Variants in PLAGL1 observed in about 807,000 individuals in gnomAD.
PLAGL1 encodes zinc finger protein PLAGL1.
In PLAGL1, 1 loss-of-function variant was observed where a neutral mutation model predicts 4.6. That is an observed-to-expected ratio of 0.22 (90% CI 0.08 to 1.03). The LOEUF (loss-of-function observed/expected upper bound fraction) is 1.03, where lower values mean the gene tolerates loss of function less well. PLAGL1 is among the 50% of genes least tolerant of loss of function. The probability of loss-of-function intolerance (pLI) is 0.58; values close to 1 mark genes in which losing one functional copy is unlikely to be tolerated. For synonymous variants in PLAGL1, 240 were observed against 237.8 expected, an observed-to-expected ratio of 1.01 and a Z score of -0.08; for missense variants, 464 against 570.4, an observed-to-expected ratio of 0.81 and a Z score of 1.90.
At chr6:144,026,746 A>G (rs369333596) in intron 1 of PLAGL1, among the ~76,000 whole-genome samples, 5 of 152,326 alleles carry the variant, frequency 3.3e-5, no homozygotes, top group South Asian at 4.1e-4. Context: ...GTACTGCTCA[A>G]GATCTGTTAG....
At position 143,957,381 on chromosome 6, in the gene PLAGL1, G is replaced by A. The variant is rs1480809988; in HGVS notation, c.-325+3088C>T. 1.3e-5 allele frequency among the ~76,000 whole-genome samples: 2 copies of A among 152,204 alleles called. No homozygotes were observed. Among genetic ancestry groups the A allele is most frequent in the Non-Finnish European group, 2.9e-5 (2 of 68,040 alleles). On this transcript the variant is annotated intron_variant, in intron 6 of 7. Transcript: ENST00000674357. The surrounding 1 kb of genome is among the most constrained non-coding windows in gnomAD (Gnocchi z 4.2). Reference sequence around the variant, plus strand: ...AGGGGAAGATTTTCTAATTGTTACAGTCAGGAATGGGGATCATTCCTTTAT... The same window carrying A: ...AGGGGAAGATTTTCTAATTGTTACAATCAGGAATGGGGATCATTCCTTTAT...
At position 144,004,249 on chromosome 6, in the gene PLAGL1, G is replaced by T. The variant is rs576566318; in HGVS notation, c.-584+3841C>A. Among the ~76,000 whole-genome samples the T allele has an allele frequency of 6.6e-6, 1 of 151,416 alleles. No individual in the cohort carries two copies. Among genetic ancestry groups the T allele is most frequent in the Non-Finnish European group, 1.5e-5 (1 of 67,936 alleles). On this transcript the variant is annotated intron_variant, in intron 1 of 7. Coordinates refer to ENST00000674357, the MANE Select transcript of PLAGL1 (RefSeq NM_001317162.2). The surrounding 1 kb of genome is among the most constrained non-coding windows in gnomAD (Gnocchi z 4.2). The stretch of plus-strand genomic sequence containing the variant: ...CAGGCTGCAGTGCAGTGGCATGATC[G>T]TAGTTCACTGTAAGCTCGAACTCCT...
At chr6:144,030,039 G>A (rs952712535) in intron 1 of PLAGL1, among the ~76,000 whole-genome samples, 1 of 151,998 alleles carries the variant, frequency 6.6e-6, no homozygotes, top group African/African-American at 2.4e-5. Context: ...GGATCATGAG[G>A]TCAGGAGATC....
chr6:144,054,928 A>G (rs1798859196), intron 1 of PLAGL1, among the ~76,000 whole-genome samples: 1 of 152,092 alleles, frequency 6.6e-6, no homozygotes, highest in Non-Finnish European at 1.5e-5. Context: ...CATATAAATA[A>G]TAGAAATTTA....
At chr6:144,038,685 G>T (rs1020917565) in intron 1 of PLAGL1, among the ~76,000 whole-genome samples, 4 of 151,984 alleles carry the variant, frequency 2.6e-5, no homozygotes, top group African/African-American at 9.7e-5. Flanking sequence ...CTACAACATG[G>T]GTGGCCTTTG....
intron 7 of PLAGL1, among the ~76,000 whole-genome samples, chr6:143,943,826 T>TTTCCATA (rs1367705191): frequency 6.6e-6 from 1 of 152,334 alleles, no homozygotes; most frequent in African/African-American, 2.4e-5. Context: ...GAAGCAGAAA[T>TTTCCATA]TAGTTATGGA....
chr6:143,979,203 T>C lies in PLAGL1; in HGVS notation c.-544+5932A>G, dbSNP rs748025312. On this transcript the variant is annotated intron_variant, in intron 2 of 7. Coordinates refer to ENST00000674357, the MANE Select transcript of PLAGL1 (RefSeq NM_001317162.2). This position sits in a 1 kb window ranked among gnomAD's most constrained non-coding sequence, Gnocchi z 4.6. ...AGTGCATTTTTTTGTAGGCAGCATA[T>C]AGTTAGTTCTCAAAGCGTTTTGTAT... Among the ~76,000 whole-genome samples, 1 of 152,156 alleles carries C rather than the reference T, an allele frequency of 6.6e-6. No homozygotes were observed. Among genetic ancestry groups the C allele is most frequent in the African/African-American group, 2.4e-5 (1 of 41,462 alleles).
chr6:144,044,983 T>C lies in PLAGL1; in HGVS notation c.-151+19485A>G, dbSNP rs567975241. On this transcript the variant is annotated intron_variant, in intron 1 of 3. Coordinates refer to the PLAGL1 transcript ENST00000437412. ...GTTTAAAGTCTGTTTTATCAGAGAC[T>C]AGGATTGCAACCCCTGCTTTTTTTT... Among the ~76,000 whole-genome samples, 207 of 148,762 alleles carry C rather than the reference T, an allele frequency of 1.4e-3. 2 individuals carry two copies. Among genetic ancestry groups the C allele is most frequent in the African/African-American group, 4.8e-3 (193 of 40,126 alleles).
At position 143,989,582 on chromosome 6, in the gene PLAGL1, T is replaced by C. The variant is rs1789984720; in HGVS notation, c.-583-4408A>G. Among the ~76,000 whole-genome samples, 1 of 152,240 alleles carries C rather than the reference T, an allele frequency of 6.6e-6. No homozygotes were observed. Among genetic ancestry groups the C allele is most frequent in the Admixed American group, 6.5e-5 (1 of 15,284 alleles). ...TCCTCTGCTTCTCAGGCGTTCAGCC[T>C]TGGACCAGAATCACACCACCAGCTT... On this transcript the variant is annotated intron_variant, in intron 1 of 7. Transcript: ENST00000674357. The surrounding 1 kb of genome is among the most constrained non-coding windows in gnomAD (Gnocchi z 4.8).
Position 144,015,627 on chromosome 6 carries a change from A to G in PLAGL1, c.-150-46649T>C, listed in dbSNP as rs1583709791. ...TGAAGGGCCAAGAAGTCCAAGAATG[A>G]CATTAAACATCATTTCCCCAATGAT... On this transcript the variant is annotated intron_variant, in intron 1 of 3. Transcript: ENST00000437412. This position sits in a 1 kb window ranked among gnomAD's most constrained non-coding sequence, Gnocchi z 4.3. Among the ~76,000 whole-genome samples the G allele has an allele frequency of 6.6e-6, 1 of 152,246 alleles. No homozygotes were observed. The highest frequency in any genetic ancestry group is 2.4e-5 in the African/African-American group (1 of 41,470).
rs1050543410 is a variant in PLAGL1, at chr6:143,972,713, T to C, written c.-543-3735A>G. On this transcript the variant is annotated intron_variant, in intron 2 of 7. Coordinates refer to ENST00000674357, the MANE Select transcript of PLAGL1 (RefSeq NM_001317162.2). This position sits in a 1 kb window ranked among gnomAD's most constrained non-coding sequence, Gnocchi z 6.8. The stretch of plus-strand genomic sequence containing the variant: ...GTTTTAAAATATAATGAATGAAAGA[T>C]GGATTTTAGAGAGTTTCATATAATA... Among the ~76,000 whole-genome samples the C allele has an allele frequency of 1.3e-5, 2 of 152,156 alleles. No homozygotes were observed. Among genetic ancestry groups the C allele is most frequent in the Non-Finnish European group, 2.9e-5 (2 of 68,032 alleles).
At chr6:143,974,468 A>C (rs1786072066) in intron 2 of PLAGL1, among the ~76,000 whole-genome samples, 1 of 151,998 alleles carries the variant, frequency 6.6e-6, no homozygotes, top group African/African-American at 2.4e-5. Context: ...CAAAGATGCT[A>C]TTTTGTATAG....
chr6:143,984,531 C>T lies in PLAGL1; in HGVS notation c.-544+604G>A, dbSNP rs144187117. Among the ~76,000 whole-genome samples, 41 of 151,956 alleles carry T rather than the reference C, an allele frequency of 2.7e-4. No homozygotes were observed. Among genetic ancestry groups the T allele is most frequent in the African/African-American group, 7.7e-4 (32 of 41,444 alleles). ...TATCGGGAAGACTGTATTAGAGGTG[C>T]GTGTCTTCTTGGTGGCTTCAAAAGA... On this transcript the variant is annotated intron_variant, in intron 2 of 7. Coordinates refer to ENST00000674357, the MANE Select transcript of PLAGL1 (RefSeq NM_001317162.2). The surrounding 1 kb of genome is among the most constrained non-coding windows in gnomAD (Gnocchi z 5.5).
intron 6 of PLAGL1, among the ~76,000 whole-genome samples, chr6:143,951,770 C>A (rs997460166): frequency 6.6e-6 from 1 of 152,204 alleles, no homozygotes; most frequent in African/African-American, 2.4e-5. Flanking sequence ...CACAAAGTCT[C>A]TCGTTTTTAT....
rs1285446281 is a variant in PLAGL1 at position 144,000,365 on chromosome 6, A to ATATAATGT, written c.-584+7717_-584+7724dup. On this transcript the variant is annotated intron_variant, in intron 1 of 7. Coordinates refer to ENST00000674357, the MANE Select transcript of PLAGL1 (RefSeq NM_001317162.2). This position sits in a 1 kb window ranked among gnomAD's most constrained non-coding sequence, Gnocchi z 4.1. Reference sequence around the variant, plus strand: ...AAATTATGTATTTATGTAAATGGAAATATAATGTTATTTATGAAGTAGTAA... The same window carrying ATATAATGT: ...AAATTATGTATTTATGTAAATGGAAATATAATGTTATAATGTTATTTATGAAGTAGTAA... Among the ~76,000 whole-genome samples, 1 of 152,186 alleles carries ATATAATGT rather than the reference A, an allele frequency of 6.6e-6. No individual in the cohort carries two copies. Among genetic ancestry groups the ATATAATGT allele is most frequent in the Non-Finnish European group, 1.5e-5 (1 of 68,004 alleles).
At position 144,053,452 on chromosome 6, in the gene PLAGL1, T is replaced by C. The variant is rs1562615840; in HGVS notation, c.-151+11016A>G. Among the ~76,000 whole-genome samples, 1 of 152,238 alleles carries C rather than the reference T, an allele frequency of 6.6e-6. No homozygotes were observed. Among genetic ancestry groups the C allele is most frequent in the Non-Finnish European group, 1.5e-5 (1 of 68,036 alleles). ...CCCGGCCTAATTAGTCATTAATTCT[T>C]GAGTAGTTCATTCAAGTATAACATC... On this transcript the variant is annotated intron_variant, in intron 1 of 3. Coordinates refer to the PLAGL1 transcript ENST00000437412. The surrounding 1 kb of genome is among the most constrained non-coding windows in gnomAD (Gnocchi z 4.0).
intron 1 of PLAGL1, among the ~76,000 whole-genome samples, chr6:144,029,199 T>C (rs1796607353): frequency 6.6e-6 from 1 of 152,210 alleles, no homozygotes; most frequent in South Asian, 2.1e-4. Context: ...CATCTTTACA[T>C]ATAAATCTTT....
intron 1 of PLAGL1, among the ~76,000 whole-genome samples, chr6:144,019,304 T>C (rs565296001): frequency 6.6e-6 from 1 of 152,132 alleles, no homozygotes; most frequent in East Asian, 1.9e-4. Flanking sequence ...AAACACCGTC[T>C]CTACTAAAAA....
chr6:144,011,335 C>A (rs143991460), upstream of PLAGL1, among the ~76,000 whole-genome samples: 260 of 152,242 alleles, frequency 1.7e-3, 5 homozygotes, highest in East Asian at 0.042. The surrounding 1 kb of genome is among the most constrained non-coding windows in gnomAD (Gnocchi z 4.3). Flanking sequence ...ATGTGGCCAA[C>A]AAACATATGA....
Sources: allele counts gnomAD v4.1 joint callset (sites outside exome capture counted in the v4.1 genomes callset), GRCh38; gene constraint gnomAD v4.1.1; non-coding constraint Gnocchi (gnomAD v3.1); transcripts MANE v1.5; gene names NCBI Gene and HGNC (gene_info 2026-07-23, HGNC 2026-07-21).